The following POC1B variants were observed in gnomAD, a reference collection of about 807,000 sequenced individuals.
The protein encoded by POC1B is POC1 centriolar protein B, also known as POC1 centriolar protein homolog B.
POC1B carries 44 observed loss-of-function variants against 60.6 expected under a neutral mutation model. The observed-to-expected ratio is 0.73, with a 90% CI of 0.57 to 0.93. The LOEUF is 0.93. Among genes scored for constraint, POC1B ranks in the 40% least tolerant of loss-of-function variants. The pLI, the probability that POC1B is intolerant of heterozygous loss-of-function variation, is 0.00. For missense variants in POC1B, 555 were observed against 572.3 expected (o/e 0.97, Z 0.31); for synonymous variants, 180 against 198.9 (o/e 0.90, Z 0.80).
At chr12:89,436,626 A>C (rs1219267524) in intron 10 of POC1B, among the ~76,000 whole-genome samples, 1 of 152,118 alleles carries the variant, frequency 6.6e-6, no homozygotes, top group Non-Finnish European at 1.5e-5. Context: ...AGGCAGAAGA[A>C]TCACTTGAAC....
intron 2 of POC1B, among the ~76,000 whole-genome samples, chr12:89,505,911 G>T (rs896907242): frequency 6.6e-6 from 1 of 152,186 alleles, no homozygotes; most frequent in Non-Finnish European, 1.5e-5. Flanking sequence ...AAGATATACT[G>T]TAGGGTCTAT....
Position 89,525,839 on chromosome 12 carries a change from G to A in POC1B, c.15+42C>T. On this transcript the variant is annotated intron_variant, in intron 1 of 11. Transcript: ENST00000313546. ...ACCTGGCCCCGCAGCCCGCGGGACA[G>A]GCTCCAGGGAGGGACCCCCCCCACC... is the stretch of plus-strand genomic sequence containing the variant. 3 of 1,406,190 alleles carry A rather than the reference G, an allele frequency of 2.1e-6. No individual in the cohort carries two copies. In the South Asian group the frequency reaches 4.9e-5, roughly 23 times the overall value. The allele number at this position is 1,406,190 out of a possible 1,614,324, so 87.1% of individuals were successfully genotyped here.
At chr12:89,456,827 A>G (rs1442010713) in intron 10 of POC1B, among the ~76,000 whole-genome samples, 1 of 152,182 alleles carries the variant, frequency 6.6e-6, no homozygotes, top group Non-Finnish European at 1.5e-5. Flanking sequence ...CAGAGCACAG[A>G]TATCAGTACA....
chr12:89,440,009 T>C (rs564362683), intron 10 of POC1B, among the ~76,000 whole-genome samples: 1 of 152,328 alleles, frequency 6.6e-6, no homozygotes, highest in Admixed American at 6.5e-5. Flanking sequence ...TGTACTAACA[T>C]TCATACTTTC....
At chr12:89,524,801 G>A in intron 2 of POC1B, 1 of 616,930 alleles carries the variant, frequency 1.6e-6, no homozygotes, top group East Asian at 2.8e-5. Context: ...AAACTCTCCA[G>A]CCAACACCCC....
At chr12:89,467,781 C>T (rs1391709901) in intron 7 of POC1B, 96 bp from the exon 8 acceptor site, 1 of 848,758 alleles carries the variant, frequency 1.2e-6, no homozygotes, top group South Asian at 1.6e-5. Flanking sequence ...CTAATTTATG[C>T]ATACTACTCA....
At chr12:89,506,056 G>A (rs1442825657) in intron 2 of POC1B, among the ~76,000 whole-genome samples, 1 of 152,220 alleles carries the variant, frequency 6.6e-6, no homozygotes, top group Non-Finnish European at 1.5e-5. Flanking sequence ...AGTGATACAG[G>A]TTGGGGTGGA....
chr12:89,430,355 A>G (rs948402306), intron 10 of POC1B, among the ~76,000 whole-genome samples: 1 of 152,196 alleles, frequency 6.6e-6, no homozygotes, highest in Non-Finnish European at 1.5e-5. Flanking sequence ...TTTGTCACTT[A>G]TTTTTGAGGA....
chr12:89,432,371 G>C (rs1377361859), intron 10 of POC1B, among the ~76,000 whole-genome samples: 2 of 104,602 alleles, frequency 1.9e-5, no homozygotes, highest in Admixed American at 1.5e-4. Flanking sequence ...TGGGCAACGA[G>C]ACTCTGTTTC....
chr12:89,480,006 A>C (rs1883257991), intron 4 of POC1B, among the ~76,000 whole-genome samples: 1 of 152,200 alleles, frequency 6.6e-6, no homozygotes, highest in Admixed American at 6.5e-5. Context: ...ATTTATTGTA[A>C]GTTCTCATAT....
chr12:89,487,382 T>C (rs1460437713), intron 4 of POC1B, among the ~76,000 whole-genome samples: 1 of 152,154 alleles, frequency 6.6e-6, no homozygotes, highest in Admixed American at 6.5e-5. Flanking sequence ...TTCTCTCAAA[T>C]TGATAAAGGG....
intron 3 of POC1B, 77 bp downstream of exon 3, chr12:89,497,094 A>G: frequency 6.8e-7 from 1 of 1,465,828 alleles, no homozygotes; most frequent in Non-Finnish European, 9.4e-7. Flanking sequence ...GCAGCAGTGC[A>G]TGAGCAGCAG....
At chr12:89,488,117 C>T (rs1325042187) in intron 4 of POC1B, among the ~76,000 whole-genome samples, 5 of 151,856 alleles carry the variant, frequency 3.3e-5, no homozygotes, top group Non-Finnish European at 7.4e-5. Context: ...TCTTACATTA[C>T]GATTACCCTT....
At chr12:89,488,646 CCAG>C (rs2135734865) in intron 4 of POC1B, among the ~76,000 whole-genome samples, 1 of 152,154 alleles carries the variant, frequency 6.6e-6, no homozygotes, top group East Asian at 1.9e-4. Flanking sequence ...GCCACCACGC[CCAG>C]CTAATTTTTG....
chr12:89,440,612 AAACC>A (rs1384665274), intron 10 of POC1B, among the ~76,000 whole-genome samples: 3 of 152,230 alleles, frequency 2.0e-5, no homozygotes, highest in Non-Finnish European at 4.4e-5. Flanking sequence ...CAATATGGAG[AAACC>A]CCATCTCTAC....
chr12:89,428,911 G>C (rs1228648246), intron 10 of POC1B: 1 of 152,048 alleles, frequency 6.6e-6, no homozygotes, highest in African/African-American at 2.4e-5. Flanking sequence ...CTATAACCAA[G>C]ACAGTTTTTT....
At chr12:89,503,970 CCCG>C (rs1869758288) in intron 2 of POC1B, among the ~76,000 whole-genome samples, 1 of 151,740 alleles carries the variant, frequency 6.6e-6, no homozygotes, top group Admixed American at 6.5e-5. Context: ...CGGCAGCCGC[CCCG>C]TCCGGGAGGG....
Position 89,486,045 on chromosome 12 carries a change from C to A in POC1B, c.452+5891G>T, listed in dbSNP as rs147896174. Among the ~76,000 whole-genome samples the A allele has an allele frequency of 4.6e-5, 7 of 152,278 alleles. No homozygotes were observed. The East Asian group carries it at 1.4e-3, about 29-fold the overall frequency. ...ATATGTAAAAGACCACCTCCCAAACCCACCACTCTTCATCTTGTTACCCCC... is the reference window on the plus strand; with the variant it reads ...ATATGTAAAAGACCACCTCCCAAACACACCACTCTTCATCTTGTTACCCCC... On this transcript the variant is annotated intron_variant, in intron 4 of 11. Coordinates refer to ENST00000313546, the MANE Select transcript of POC1B (RefSeq NM_172240.3).
At chr12:89,516,773 C>T (rs1870460972) in intron 2 of POC1B, among the ~76,000 whole-genome samples, 2 of 152,186 alleles carry the variant, frequency 1.3e-5, no homozygotes, top group Non-Finnish European at 2.9e-5. Context: ...TAGGGGATAT[C>T]TCATTCCCCA....
Sources: gnomAD v4.1 joint callset for allele counts (sites outside exome capture counted in the v4.1 genomes callset) on GRCh38, gnomAD v4.1.1 for gene constraint, MANE v1.5 for transcripts, NCBI Gene and HGNC (gene_info 2026-07-23, HGNC 2026-07-21) for gene names.